ROS1: variants seen among roughly 807,000 people sequenced by gnomAD.
ROS1 encodes ROS proto-oncogene 1, receptor tyrosine kinase.
In ROS1, 263 loss-of-function variants were observed where a neutral mutation model predicts 273.5. The ratio of observed to expected loss-of-function variants is 0.96; its 90% confidence interval spans 0.87 to 1.06. The LOEUF (loss-of-function observed/expected upper bound fraction) is 1.06, where lower values mean the gene tolerates loss of function less well. Among genes scored for constraint, ROS1 ranks in the 50% least tolerant of loss-of-function variants. ROS1 has a pLI of 0.00. For missense variants in ROS1, 2,833 were observed against 2,751.1 expected (o/e 1.03, Z -0.67); for synonymous variants, 1,008 against 954.1 (o/e 1.06, Z -1.04).
chr6:117,314,541 T>G (rs1775768109), intron 39 of ROS1, among the ~76,000 whole-genome samples: 1 of 152,126 alleles, frequency 6.6e-6, no homozygotes, highest in African/African-American at 2.4e-5. Context: ...AGATGAAGGC[T>G]TTTGTCTATA....
chr6:117,326,083 T>C (rs944798174), intron 34 of ROS1, 141 bp downstream of exon 34: 8 of 195,242 alleles, frequency 4.1e-5, no homozygotes, highest in African/African-American at 2.9e-4. Flanking sequence ...ATAGTTTGGA[T>C]AATAAGATTA....
At chr6:117,389,217 G>C in intron 13 of ROS1, 133 bp downstream of exon 13, 2 of 1,010,808 alleles carry the variant, frequency 2.0e-6, no homozygotes, top group East Asian at 2.4e-5. Flanking sequence ...TTTTTTTTTA[G>C]CTAAGTAGCT....
In ROS1 at chr6:117,288,491, A is replaced by G. The variant is rs112158904; in HGVS notation, c.*1T>C. Reference sequence around the variant, plus strand: ...AACTCTCTATTTCCCAAACAACGCTATTAATCAGACCCATCTCCATATCCA... The same window carrying G: ...AACTCTCTATTTCCCAAACAACGCTGTTAATCAGACCCATCTCCATATCCA... On this transcript the variant is annotated 3_prime_UTR_variant, in exon 44 of 44. Transcript: ENST00000368507. 6.8e-6 allele frequency: 11 copies of G among 1,607,874 alleles called. No individual in the cohort carries two copies. Among genetic ancestry groups the G allele is most frequent in the African/African-American group, 6.7e-5 (5 of 74,552 alleles).
At chr6:117,304,820 T>C (rs1335026995) in intron 42 of ROS1, among the ~76,000 whole-genome samples, 1 of 152,100 alleles carries the variant, frequency 6.6e-6, no homozygotes, top group Admixed American at 6.5e-5. Context: ...GGTGACTGAA[T>C]CATGGGGGCA....
chr6:117,299,006 TAG>T (rs3086776), intron 43 of ROS1, among the ~76,000 whole-genome samples: 123,571 of 151,918 alleles, frequency 0.81, 50,594 homozygotes, highest in African/African-American at 0.89. Context: ...AGTATATATA[TAG>T]AGAGCCCCCC....
intron 42 of ROS1, 115 bp downstream of exon 42, chr6:117,308,679 A>G: frequency 1.0e-6 from 1 of 965,290 alleles, no homozygotes; most frequent in Non-Finnish European, 1.5e-6. Flanking sequence ...GGGGTATACA[A>G]TATTTAAGTT....
chr6:117,321,283 AG>A lies in ROS1; in HGVS notation c.5734del (p.Leu1912TrpfsTer28). On this transcript the variant is annotated frameshift_variant, in exon 36 of 44. Coordinates refer to ENST00000368507, the MANE Select transcript of ROS1 (RefSeq NM_001378902.1). LOFTEE classifies it high-confidence loss of function. ...ELRGLAAGVG[L>X]ANACYAIHTL... Reference sequence around the variant, plus strand: ...CTGTATTGCATAGCAGGCATTAGCCAGGCCTACTCCGGCTGCCAGACCTCGC... The same window carrying A: ...CTGTATTGCATAGCAGGCATTAGCCAGCCTACTCCGGCTGCCAGACCTCGC... 1 of 1,613,842 alleles carries A rather than the reference AG, an allele frequency of 6.2e-7. No individual in the cohort carries two copies. The highest frequency in any genetic ancestry group is 1.1e-5 in the South Asian group (1 of 91,064).
intron 6 of ROS1, among the ~76,000 whole-genome samples, chr6:117,403,917 C>T (rs117031043): frequency 1.3e-5 from 2 of 152,140 alleles, no homozygotes; most frequent in Admixed American, 6.5e-5. Context: ...AAGGCCTTTA[C>T]GCTTATAAGT....
In ROS1 at chr6:117,366,165, T is replaced by G; in HGVS notation, c.2708A>C (p.Glu903Ala). 6.2e-7 allele frequency: 1 copy of G among 1,614,078 alleles called. No homozygotes were observed. Among genetic ancestry groups the G allele is most frequent in the South Asian group, 1.1e-5 (1 of 91,088 alleles). ...AGAGACACTGGTTTTCTGACCTATTTCTTGAGTTGTGATAATCCTAAAGCC... is the reference window on the plus strand; with the variant it reads ...AGAGACACTGGTTTTCTGACCTATTGCTTGAGTTGTGATAATCCTAAAGCC... ...INGFRIITTQ[E>A]IGQKTSVSVL... Residue 903 changes from glutamate to alanine, a missense_variant, in exon 19 of 44, where the codon GAA becomes GCA. Transcript: ENST00000368507.
chr6:117,288,900 A>T, intron 43 of ROS1, 98 bp from the exon 44 acceptor site: 1 of 956,764 alleles, frequency 1.0e-6, no homozygotes, highest in Non-Finnish European at 1.5e-6. Context: ...CCAACTTTAC[A>T]CATTTGTTCA....
At chr6:117,384,400 G>T (rs1266503358) in intron 16 of ROS1, among the ~76,000 whole-genome samples, 1 of 152,158 alleles carries the variant, frequency 6.6e-6, no homozygotes, top group Non-Finnish European at 1.5e-5. Context: ...AATGAATTTT[G>T]TGTTATGTGA....
chr6:117,318,638 A>G (rs1186450316), intron 37 of ROS1, among the ~76,000 whole-genome samples: 1 of 152,134 alleles, frequency 6.6e-6, no homozygotes, highest in Non-Finnish European at 1.5e-5. Context: ...ATCAAAGCTA[A>G]TCATGAAAAT....
chr6:117,292,992 T>C (rs1773952292), intron 43 of ROS1, among the ~76,000 whole-genome samples: 2 of 152,210 alleles, frequency 1.3e-5, no homozygotes. Context: ...ATAAACAAAG[T>C]GCAGTTCTAT....
At chr6:117,401,818 A>T (rs191157850) in intron 7 of ROS1, among the ~76,000 whole-genome samples, 4 of 151,590 alleles carry the variant, frequency 2.6e-5, no homozygotes, top group Non-Finnish European at 5.9e-5. Flanking sequence ...AAAAAAAAAA[A>T]AAAAAACAGG....
chr6:117,363,992 G>C (rs1780007663), intron 21 of ROS1, among the ~76,000 whole-genome samples: 1 of 152,148 alleles, frequency 6.6e-6, no homozygotes, highest in Non-Finnish European at 1.5e-5. Flanking sequence ...GAAGGCAAAG[G>C]CCAAATCTTG....
chr6:117,353,793 AT>A (rs1163175071), intron 26 of ROS1, among the ~76,000 whole-genome samples: 1 of 152,196 alleles, frequency 6.6e-6, no homozygotes, highest in East Asian at 1.9e-4. Flanking sequence ...CTTAATAATA[AT>A]GAATGTGGAA....
intron 22 of ROS1, 25 bp from the exon 23 acceptor site, chr6:117,360,430 C>A: frequency 6.4e-7 from 1 of 1,567,692 alleles, no homozygotes; most frequent in Non-Finnish European, 8.8e-7. Flanking sequence ...ACAAAAATTG[C>A]ATTCAGTAGT....
rs1775513498 is a variant in ROS1, at chr6:117,311,128, T to A, written c.6118-11A>T. The A allele has an allele frequency of 6.5e-7, 1 of 1,544,582 alleles. No homozygotes were observed. The highest frequency in any genetic ancestry group is 8.9e-7 in the Non-Finnish European group (1 of 1,127,168). On this transcript the variant is annotated splice_polypyrimidine_tract_variant and intron_variant, in intron 39 of 43. Coordinates refer to ENST00000368507, the MANE Select transcript of ROS1 (RefSeq NM_001378902.1). ...TAAAGGACCATAAAACTGTAAGAAA[T>A]GAAAGAAAAATTACAGGTAGTTATC...
chr6:117,360,288 A>ACACACACT, intron 23 of ROS1, 54 bp downstream of exon 23: 1 of 1,366,472 alleles, frequency 7.3e-7, no homozygotes. Context: ...ACACACACAC[A>ACACACACT]CACACACACA....
Sources: allele counts gnomAD v4.1 joint callset (sites outside exome capture counted in the v4.1 genomes callset), GRCh38; gene constraint gnomAD v4.1.1; transcripts MANE v1.5; gene names NCBI Gene and HGNC (gene_info 2026-07-23, HGNC 2026-07-21).